The following CBLN1 variants were observed in gnomAD, a reference collection of about 807,000 sequenced individuals.
The protein encoded by CBLN1 is cerebellin 1 precursor.
In CBLN1, 5 loss-of-function variants were observed where a neutral mutation model predicts 15.9. The ratio of observed to expected loss-of-function variants is 0.31; its 90% CI spans 0.16 to 0.66. The LOEUF (loss-of-function observed/expected upper bound fraction) is 0.66. Among genes scored for constraint, CBLN1 ranks in the 30% least tolerant of loss-of-function variants. The pLI, the probability that CBLN1 is intolerant of heterozygous loss-of-function variation, is 0.75. For missense variants in CBLN1, 164 were observed against 253.7 expected (o/e 0.65, Z 2.40); for synonymous variants, 90 against 107.6 (o/e 0.84, Z 1.01).
intron 2 of CBLN1, 113 bp downstream of exon 2, chr16:49,280,810 G>A (rs1288358603): frequency 1.7e-6 from 2 of 1,199,986 alleles, no homozygotes; most frequent in East Asian, 4.7e-5. Context: ...CCTCCAAGCA[G>A]CCCGAAGTAC....
rs1963231954 is a variant in CBLN1, at chr16:49,279,252, C to A, written c.*152G>T. On this transcript the variant is annotated 3_prime_UTR_variant, in exon 3 of 3. Coordinates refer to ENST00000219197, the MANE Select transcript of CBLN1 (RefSeq NM_004352.4). ...TAAGGAAATGGACAAAGTTGTCCCA[C>A]AGCTGGCGCGCACCTTTTTACCCAG... 1 of 684,068 alleles carries A rather than the reference C, an allele frequency of 1.5e-6. No homozygotes were observed. Among genetic ancestry groups the A allele is most frequent in the South Asian group, 1.9e-5 (1 of 52,602 alleles). 42.4% of individuals were successfully genotyped at this position (684,068 alleles called of 1,614,324 possible).
chr16:49,280,359 G>A (rs188700605), intron 2 of CBLN1, among the ~76,000 whole-genome samples: 1 of 152,320 alleles, frequency 6.6e-6, no homozygotes, highest in East Asian at 1.9e-4. Flanking sequence ...CTGGAGCCGG[G>A]AGAGAGTAGC....
At chr16:49,280,808 C>A (rs1963266498) in intron 2 of CBLN1, 115 bp downstream of exon 2, 1 of 1,154,384 alleles carries the variant, frequency 8.7e-7, no homozygotes. Flanking sequence ...TCCCTCCAAG[C>A]AGCCCGAAGT....
chr16:49,280,902 C>T, intron 2 of CBLN1, 21 bp downstream of exon 2: 1 of 1,614,058 alleles, frequency 6.2e-7, no homozygotes. Flanking sequence ...GGCCAGGGCC[C>T]GGCACGAGGC....
At position 49,279,168 on chromosome 16, in the gene CBLN1, G is replaced by C. The variant is rs1963230727; in HGVS notation, c.*236C>G. The C allele has an allele frequency of 1.8e-6, 1 of 547,614 alleles. No individual in the cohort carries two copies. The highest frequency in any genetic ancestry group is 3.2e-6 in the Non-Finnish European group (1 of 310,322). The allele number at this position is 547,614 out of a possible 1,614,324, so 33.9% of individuals were successfully genotyped here. ...TGATTACTGCAACTGGAATGGGGGA[G>C]GCGAGTTTATTTTTGGAAATGGGAG... On this transcript the variant is annotated 3_prime_UTR_variant, in exon 3 of 3. Coordinates refer to ENST00000219197, the MANE Select transcript of CBLN1 (RefSeq NM_004352.4).
chr16:49,281,585 G>A lies in CBLN1; in HGVS notation c.-120C>T, dbSNP rs889572726. On this transcript the variant is annotated 5_prime_UTR_variant, in exon 1 of 3. Coordinates refer to ENST00000219197, the MANE Select transcript of CBLN1 (RefSeq NM_004352.4). ...CTCCGTGCGCAGCTCCGCCGCCGCCGCTCTGGACACTACACCTCTTCCTCG... is the reference window on the plus strand; with the variant it reads ...CTCCGTGCGCAGCTCCGCCGCCGCCACTCTGGACACTACACCTCTTCCTCG... 12 of 576,830 alleles carry A rather than the reference G, an allele frequency of 2.1e-5. No homozygotes were observed. In the African/African-American group the frequency reaches 2.2e-4, roughly 11 times the overall value. The allele number at this position is 576,830 out of a possible 1,614,324, so 35.7% of individuals were successfully genotyped here.
intron 2 of CBLN1, 104 bp from the exon 3 acceptor site, chr16:49,279,705 G>A: frequency 5.9e-6 from 3 of 508,310 alleles, no homozygotes; most frequent in Admixed American, 2.9e-5. Flanking sequence ...GTAAGGCCTG[G>A]AAGCACGGAG....
At chr16:49,279,841 C>T (rs1963240366) in intron 2 of CBLN1, among the ~76,000 whole-genome samples, 2 of 152,172 alleles carry the variant, frequency 1.3e-5, no homozygotes, top group Admixed American at 1.3e-4. Flanking sequence ...GGGAGTTGCT[C>T]TTATTCCAGT....
At position 49,281,770 on chromosome 16, in the gene CBLN1, C is replaced by G. The variant is rs1963312454; in HGVS notation, c.-305G>C. 2 of 317,718 alleles carry G rather than the reference C, an allele frequency of 6.3e-6. No homozygotes were observed. Among genetic ancestry groups the G allele is most frequent in the Admixed American group, 1.0e-4 (2 of 19,670 alleles). 19.7% of individuals were successfully genotyped at this position (317,718 alleles called of 1,614,324 possible). A position where few individuals can be genotyped will look rare whatever the true frequency, so the allele number is the denominator to read the frequency against. ...GCTGCCGCCGCCTCCTGCCCGCACC[C>G]GCCGCTGCCGCCGCCGCCGCCGCTC... On this transcript the variant is annotated 5_prime_UTR_variant, in exon 1 of 3. Transcript: ENST00000219197.
At position 49,281,087 on chromosome 16, in the gene CBLN1, C is replaced by G. The variant is rs767796153; in HGVS notation, c.265-45G>C. 3 of 1,614,160 alleles carry G rather than the reference C, an allele frequency of 1.9e-6. No individual in the cohort carries two copies. The South Asian group carries it at 3.3e-5, about 18-fold the overall frequency. On this transcript the variant is annotated intron_variant, in intron 1 of 2. Coordinates refer to ENST00000219197, the MANE Select transcript of CBLN1 (RefSeq NM_004352.4). ...AAGGGGAGTGGGCAGGAATCGGTCCCGGACTGTCGTCCCCGCGCCTCCGCA... is the reference window on the plus strand; with the variant it reads ...AAGGGGAGTGGGCAGGAATCGGTCCGGGACTGTCGTCCCCGCGCCTCCGCA...
At chr16:49,281,151 T>C (rs1413512350) in intron 1 of CBLN1, 51 bp downstream of exon 1, 2 of 1,613,886 alleles carry the variant, frequency 1.2e-6, no homozygotes, top group East Asian at 4.5e-5. Flanking sequence ...CTTCCATCCA[T>C]CCCTCCTTCA....
rs1963299733 is a variant in CBLN1 at position 49,281,531 on chromosome 16, C to T, written c.-66G>A. On this transcript the variant is annotated 5_prime_UTR_variant, in exon 1 of 3. Transcript: ENST00000219197. ...GCTCGCGCCAGCCGCCCCCCCCGTCCCAGTCCCGCTCCGAAGCCCCCTCCT... is the reference window on the plus strand; with the variant it reads ...GCTCGCGCCAGCCGCCCCCCCCGTCTCAGTCCCGCTCCGAAGCCCCCTCCT... 2 of 1,189,232 alleles carry T rather than the reference C, an allele frequency of 1.7e-6. No individual in the cohort carries two copies. The highest frequency in any genetic ancestry group is 1.1e-6 in the Non-Finnish European group (1 of 921,400). 73.7% of individuals were successfully genotyped at this position (1,189,232 alleles called of 1,614,324 possible).
At position 49,279,463 on chromosome 16, in the gene CBLN1, T is replaced by C; in HGVS notation, c.523A>G (p.Asn175Asp). The C allele has an allele frequency of 6.2e-7, 1 of 1,614,154 alleles. No individual in the cohort carries two copies. The highest frequency in any genetic ancestry group is 8.5e-7 in the Non-Finnish European group (1 of 1,180,022). ...GAGTACTTCCAGCCCCCCATCAAGTTTCCCCGCTCCAGCTTGAGGTATGCT... is the reference window on the plus strand; with the variant it reads ...GAGTACTTCCAGCCCCCCATCAAGTCTCCCCGCTCCAGCTTGAGGTATGCT... Reference protein sequence around the residue: ...DRAYLKLERGNLMGGWKYSTF... With the variant: ...DRAYLKLERGDLMGGWKYSTF... Residue 175 changes from asparagine to aspartate, a missense_variant, in exon 3 of 3, where the codon AAC becomes GAC. Asn to Asp is a conservative substitution (Grantham distance 23, BLOSUM62 1). Transcript: ENST00000219197.
Position 49,279,325 on chromosome 16 carries a change from G to T in CBLN1, c.*79C>A. On this transcript the variant is annotated 3_prime_UTR_variant, in exon 3 of 3. Transcript: ENST00000219197. ...AAGTTTCAAGTCGTGCTGCTTTCTCGCCCTCTTAATTTCAGCCTCTTTCTC... is the reference window on the plus strand; with the variant it reads ...AAGTTTCAAGTCGTGCTGCTTTCTCTCCCTCTTAATTTCAGCCTCTTTCTC... 1.5e-6 allele frequency: 2 copies of T among 1,325,606 alleles called. No individual in the cohort carries two copies. The highest frequency in any genetic ancestry group is 1.1e-6 in the Non-Finnish European group (1 of 927,230). 82.1% of individuals were successfully genotyped at this position (1,325,606 alleles called of 1,614,324 possible).
At position 49,280,484 on chromosome 16, in the gene CBLN1, C is replaced by T. The variant is rs987011121; in HGVS notation, c.384+439G>A. 3.3e-5 allele frequency among the ~76,000 whole-genome samples: 5 copies of T among 152,300 alleles called. No homozygotes were observed. The East Asian group carries it at 9.7e-4, about 29-fold the overall frequency. ...GGGATTGGGGACAAGTGGGAGAAAA[C>T]GGGGGCCCCGTCCGTGGTGCTGAAG... On this transcript the variant is annotated intron_variant, in intron 2 of 2. Coordinates refer to ENST00000219197, the MANE Select transcript of CBLN1 (RefSeq NM_004352.4).
In CBLN1 at chr16:49,281,764, C is replaced by A. The variant is rs1348885524; in HGVS notation, c.-299G>T. On this transcript the variant is annotated 5_prime_UTR_variant, in exon 1 of 3. Transcript: ENST00000219197. The stretch of plus-strand genomic sequence containing the variant: ...CCCGCTGCTGCCGCCGCCTCCTGCC[C>A]GCACCCGCCGCTGCCGCCGCCGCCG... 1 of 329,646 alleles carries A rather than the reference C, an allele frequency of 3.0e-6. No homozygotes were observed. 20.4% of individuals were successfully genotyped at this position (329,646 alleles called of 1,614,324 possible).
chr16:49,279,098 C>A lies in CBLN1; in HGVS notation c.*306G>T. 2.5e-6 allele frequency: 1 copy of A among 405,494 alleles called. No homozygotes were observed. The highest frequency in any genetic ancestry group is 4.4e-6 in the Non-Finnish European group (1 of 227,036). The allele number at this position is 405,494 out of a possible 1,614,324, so 25.1% of individuals were successfully genotyped here. On this transcript the variant is annotated 3_prime_UTR_variant, in exon 3 of 3. Coordinates refer to ENST00000219197, the MANE Select transcript of CBLN1 (RefSeq NM_004352.4). The stretch of plus-strand genomic sequence containing the variant: ...GTTTCTTTAAATAAATTGCAGGGAA[C>A]ATGAAGTTGGGGGATAAGAAACAAT...
chr16:49,280,463 T>C (rs546806777), intron 2 of CBLN1, among the ~76,000 whole-genome samples: 2 of 152,194 alleles, frequency 1.3e-5, no homozygotes, highest in East Asian at 1.9e-4. Flanking sequence ...GGGGTGGGGA[T>C]TGGGGACAAG....
At chr16:49,279,682 T>G in intron 2 of CBLN1, 81 bp from the exon 3 acceptor site, 6 of 1,161,810 alleles carry the variant, frequency 5.2e-6, no homozygotes, top group Admixed American at 4.1e-5. Context: ...CCTCCTTGCT[T>G]GGCTAACAGC....
Sources: allele counts gnomAD v4.1 joint callset (sites outside exome capture counted in the v4.1 genomes callset), GRCh38; gene constraint gnomAD v4.1.1; transcripts MANE v1.5; gene names NCBI Gene and HGNC (gene_info 2026-07-23, HGNC 2026-07-21).